ESR1: variants seen among roughly 807,000 people sequenced by gnomAD.
The protein encoded by ESR1 is estrogen receptor.
Under a neutral mutation model 52.7 loss-of-function variants are expected in ESR1, and 12 were observed. The ratio of observed to expected loss-of-function variants is 0.23; its 90% CI spans 0.15 to 0.37. ESR1 has a LOEUF of 0.37. Ranked by LOEUF, ESR1 falls within the 10% of genes least tolerant of loss-of-function variation. The probability of loss-of-function intolerance (pLI) is 1.00; values close to 1 mark genes in which losing one functional copy is unlikely to be tolerated. For missense variants in ESR1, 584 were observed against 779.7 expected (o/e 0.75, Z 2.99); for synonymous variants, 305 against 316.8 (o/e 0.96, Z 0.39).
intron 5 of ESR1, among the ~76,000 whole-genome samples, chr6:152,030,400 G>T (rs956271964): frequency 6.6e-6 from 1 of 151,958 alleles, no homozygotes; most frequent in Non-Finnish European, 1.5e-5. Context: ...CCCATCTCAC[G>T]TGCAGAGACA....
chr6:151,723,989 A>G (rs191430922), intron 2 of ESR1, among the ~76,000 whole-genome samples: 1 of 152,156 alleles, frequency 6.6e-6, no homozygotes, highest in Admixed American at 6.5e-5. Context: ...GGGATAGGAC[A>G]CTAAAGCAAG....
intron 2 of ESR1, among the ~76,000 whole-genome samples, chr6:151,786,310 A>C (rs1020523587): frequency 1.3e-5 from 2 of 152,082 alleles, no homozygotes; most frequent in African/African-American, 2.4e-5. Context: ...GCCTCCTGGC[A>C]CCTCTACCCT....
chr6:152,038,293 C>A (rs2045488886), intron 5 of ESR1, among the ~76,000 whole-genome samples: 1 of 152,178 alleles, frequency 6.6e-6, no homozygotes, highest in African/African-American at 2.4e-5. Flanking sequence ...GACATGGTGC[C>A]CGCCCAGATT....
chr6:151,684,384 C>T (rs1307321769), intron 1 of ESR1, among the ~76,000 whole-genome samples: 1 of 152,126 alleles, frequency 6.6e-6, no homozygotes, highest in Non-Finnish European at 1.5e-5. Context: ...GTGGTTTGTG[C>T]TTAATTTAAT....
At chr6:151,857,058 G>A (rs774278908) in intron 2 of ESR1, among the ~76,000 whole-genome samples, 8 of 152,140 alleles carry the variant, frequency 5.3e-5, no homozygotes, top group African/African-American at 1.7e-4. Flanking sequence ...TTGTGTGTGC[G>A]TGTGTATTCA....
chr6:151,824,640 A>G (rs1447329032), intron 1 of ESR1, among the ~76,000 whole-genome samples: 5 of 152,256 alleles, frequency 3.3e-5, no homozygotes, highest in South Asian at 2.1e-4. Flanking sequence ...CTTAAAGTAT[A>G]AGGGAAAATG....
At chr6:151,966,508 G>A (rs537627122) in intron 4 of ESR1, among the ~76,000 whole-genome samples, 50 of 151,942 alleles carry the variant, frequency 3.3e-4, no homozygotes, top group African/African-American at 1.2e-3. Flanking sequence ...CTTTCTGATA[G>A]ATATAGCATT....
chr6:151,809,095 G>A (rs776653043), intron 1 of ESR1: 2 of 362,334 alleles, frequency 5.5e-6, no homozygotes, highest in Non-Finnish European at 1.2e-5. Context: ...CAAGCCATAT[G>A]GAAGCACAAG....
chr6:152,067,989 T>C (rs1011580048), intron 6 of ESR1, among the ~76,000 whole-genome samples: 2 of 152,240 alleles, frequency 1.3e-5, no homozygotes, highest in African/African-American at 4.8e-5. Context: ...ATAGCTCTTA[T>C]GGAAGTATAA....
At chr6:152,125,376 T>G in exon 7 of ESR1, 1 of 1,542,566 alleles carries the variant, frequency 6.5e-7, no homozygotes, top group Non-Finnish European at 8.8e-7. Context: ...CCTCACAGTA[T>G]CCTGCAGATC....
At chr6:151,852,166 C>T (rs1228114444) in intron 2 of ESR1, among the ~76,000 whole-genome samples, 1 of 152,114 alleles carries the variant, frequency 6.6e-6, no homozygotes, top group African/African-American at 2.4e-5. Context: ...AAGTTCAATT[C>T]TAGACATGCT....
chr6:151,942,207 A>G (rs1265375789), intron 3 of ESR1, among the ~76,000 whole-genome samples: 3 of 152,196 alleles, frequency 2.0e-5, no homozygotes, highest in African/African-American at 7.2e-5. Context: ...CTCATCTTTT[A>G]CTTTTAGGTG....
At chr6:152,051,348 G>A (rs919863139) in intron 5 of ESR1, among the ~76,000 whole-genome samples, 2 of 152,010 alleles carry the variant, frequency 1.3e-5, no homozygotes, top group African/African-American at 2.4e-5. Context: ...AGGCTGCCCA[G>A]CACTGATGAA....
At chr6:151,919,432 A>G (rs1323679758) in intron 3 of ESR1, among the ~76,000 whole-genome samples, 1 of 152,214 alleles carries the variant, frequency 6.6e-6, no homozygotes, top group African/African-American at 2.4e-5. Context: ...CTGGGAGCCA[A>G]TTTTATTACA....
chr6:152,017,314 C>T (rs887171996), intron 5 of ESR1, among the ~76,000 whole-genome samples: 12 of 152,142 alleles, frequency 7.9e-5, no homozygotes, highest in Admixed American at 7.2e-4. Flanking sequence ...CAATTTTATC[C>T]TTGCCATGCT....
chr6:151,725,453 G>A (rs990506043), intron 2 of ESR1, among the ~76,000 whole-genome samples: 3 of 152,102 alleles, frequency 2.0e-5, no homozygotes, highest in Admixed American at 1.3e-4. Context: ...TATGTTCTTT[G>A]ATTTGAGACT....
intron 4 of ESR1, among the ~76,000 whole-genome samples, chr6:151,961,898 T>G (rs1241145016): frequency 1.3e-5 from 2 of 152,150 alleles, no homozygotes; most frequent in African/African-American, 4.8e-5. Flanking sequence ...AGTCGGATTG[T>G]CAGCATGGGC....
At chr6:152,074,753 G>A (rs61097999) in intron 6 of ESR1, among the ~76,000 whole-genome samples, 1 of 152,246 alleles carries the variant, frequency 6.6e-6, no homozygotes, top group East Asian at 1.9e-4. Context: ...TCAGCATTTG[G>A]TGTTGTCAAT....
intron 4 of ESR1, among the ~76,000 whole-genome samples, chr6:151,987,817 T>C (rs1478573918): frequency 6.6e-6 from 1 of 152,168 alleles, no homozygotes; most frequent in Non-Finnish European, 1.5e-5. Flanking sequence ...TTTGGATTAT[T>C]ATTGTTAAAG....
Sources: allele counts gnomAD v4.1 joint callset (sites outside exome capture counted in the v4.1 genomes callset), GRCh38; gene constraint gnomAD v4.1.1; transcripts MANE v1.5; gene names NCBI Gene and HGNC (gene_info 2026-07-23, HGNC 2026-07-21).